Variants in BCL2L1 observed in about 807,000 individuals in gnomAD.
BCL2L1 encodes bcl-2-like protein 1.
Under a neutral mutation model 18.7 loss-of-function variants are expected in BCL2L1, and 1 was observed. The observed-to-expected ratio is 0.05, with a 90% confidence interval of 0.02 to 0.25. The LOEUF (loss-of-function observed/expected upper bound fraction) is 0.25, where lower values mean the gene tolerates loss of function less well. Ranked by LOEUF, BCL2L1 falls within the 10% of genes least tolerant of loss-of-function variation. The pLI, the probability that BCL2L1 is intolerant of heterozygous loss-of-function variation, is 1.00. For missense variants in BCL2L1, 207 were observed against 304.9 expected (o/e 0.68, Z 2.39); for synonymous variants, 103 against 122.7 (o/e 0.84, Z 1.06).
chr20:31,683,303 T>G (rs2060895462), intron 2 of BCL2L1, among the ~76,000 whole-genome samples: 1 of 152,194 alleles, frequency 6.6e-6, no homozygotes, highest in Non-Finnish European at 1.5e-5. Context: ...GTCTGGAATG[T>G]TTTTTCCATA....
intron 2 of BCL2L1, among the ~76,000 whole-genome samples, chr20:31,688,080 G>C (rs1272304452): frequency 6.6e-6 from 1 of 152,160 alleles, no homozygotes; most frequent in African/African-American, 2.4e-5. Context: ...CTGGCAAATA[G>C]TAACAATTTC....
At chr20:31,666,802 G>GCAGGGGGTGTGACTCTGGGCC (rs1555858092) in intron 2 of BCL2L1, among the ~76,000 whole-genome samples, 1 of 152,104 alleles carries the variant, frequency 6.6e-6, no homozygotes, top group African/African-American at 2.4e-5. Context: ...ATCCTCCACT[G>GCAGGGGGTGTGACTCTGGGCC]CAGGGGGTGT....
intron 2 of BCL2L1, among the ~76,000 whole-genome samples, chr20:31,697,695 C>G (rs1478904975): frequency 6.6e-6 from 1 of 152,072 alleles, no homozygotes; most frequent in East Asian, 1.9e-4. Flanking sequence ...CCTCATCCTC[C>G]CAAAGTGCTG....
chr20:31,692,639 C>T (rs898430284), intron 2 of BCL2L1, among the ~76,000 whole-genome samples: 1 of 148,470 alleles, frequency 6.7e-6, no homozygotes, highest in Non-Finnish European at 1.5e-5. Flanking sequence ...GGCTGGGCGC[C>T]GTGGCTCACA....
At chr20:31,691,029 G>A (rs1181791431) in intron 2 of BCL2L1, among the ~76,000 whole-genome samples, 1 of 150,330 alleles carries the variant, frequency 6.7e-6, no homozygotes, top group Non-Finnish European at 1.5e-5. Flanking sequence ...ACATATGCCT[G>A]TAATCCCAGC....
At chr20:31,693,930 T>C (rs1189471726) in intron 2 of BCL2L1, among the ~76,000 whole-genome samples, 1 of 152,208 alleles carries the variant, frequency 6.6e-6, no homozygotes, top group Non-Finnish European at 1.5e-5. Context: ...ATATTCTCTG[T>C]TGTATTTATG....
chr20:31,723,925 A>T, upstream of BCL2L1: 1 of 985,412 alleles, frequency 1.0e-6, no homozygotes, highest in South Asian at 4.7e-5. Context: ...CTGAAGAGAC[A>T]GGGGAACTTG....
At position 31,721,935 on chromosome 20, in the gene BCL2L1, T is replaced by C. The variant is rs1285137410; in HGVS notation, c.284A>G (p.Asp95Gly). 6.2e-7 allele frequency: 1 copy of C among 1,614,168 alleles called. No individual in the cohort carries two copies. Among genetic ancestry groups the C allele is most frequent in the Non-Finnish European group, 8.5e-7 (1 of 1,180,022 alleles). Reference protein sequence around the residue: ...AVKQALREAGDEFELRYRRAF... With the variant: ...AVKQALREAGGEFELRYRRAF... Reference sequence around the variant, plus strand: ...CCGCCGGTACCGCAGTTCAAACTCGTCGCCTGCCTCCCTCAGCGCTTGCTT... The same window carrying C: ...CCGCCGGTACCGCAGTTCAAACTCGCCGCCTGCCTCCCTCAGCGCTTGCTT... Residue 95 changes from aspartate (D) to glycine (G), a missense_variant, in exon 2 of 3, where the codon GAC becomes GGC. Asp to Gly is a moderately conservative substitution (Grantham distance 94). Coordinates refer to ENST00000307677, the MANE Select transcript of BCL2L1 (RefSeq NM_138578.3).
In BCL2L1 at chr20:31,722,045, G is replaced by C. The variant is rs918140042; in HGVS notation, c.174C>G (p.His58Gln). Residue 58 changes from histidine to glutamine, a missense_variant, in exon 2 of 3, where the codon CAC becomes CAG. Transcript: ENST00000307677. ...CATTCACCGCGGGGCTGTCTGCCAG[G>C]TGCCAGGATGGGTTGCCATTGATGG... ...PSAINGNPSW[H>Q]LADSPAVNGA... is the part of the protein sequence containing the mutation. 6.8e-6 allele frequency: 11 copies of C among 1,607,816 alleles called. No individual in the cohort carries two copies. Among genetic ancestry groups the C allele is most frequent in the Non-Finnish European group, 9.4e-6 (11 of 1,176,360 alleles).
chr20:31,721,521 C>T, intron 2 of BCL2L1, 134 bp downstream of exon 2: 2 of 1,060,642 alleles, frequency 1.9e-6, no homozygotes, highest in Non-Finnish European at 2.7e-6. Flanking sequence ...TGAAATGAGG[C>T]CAGTCAGGTT....
chr20:31,682,845 T>C (rs1182633074), intron 2 of BCL2L1, among the ~76,000 whole-genome samples: 1 of 152,222 alleles, frequency 6.6e-6, no homozygotes, highest in Non-Finnish European at 1.5e-5. Context: ...ACCTGTTCTT[T>C]CTGCATCTTT....
chr20:31,709,779 G>C (rs138327203), intron 2 of BCL2L1, among the ~76,000 whole-genome samples: 1,810 of 146,834 alleles, frequency 0.012, 32 homozygotes, highest in African/African-American at 0.043. Context: ...AGCTTGCAGT[G>C]AGCCGAGATC....
intron 2 of BCL2L1, among the ~76,000 whole-genome samples, chr20:31,667,844 G>A (rs530746739): frequency 3.3e-5 from 5 of 152,216 alleles, no homozygotes; most frequent in Non-Finnish European, 5.9e-5. Flanking sequence ...CATGTGCACT[G>A]AGCTGCTAAT....
intron 2 of BCL2L1, among the ~76,000 whole-genome samples, chr20:31,692,357 G>A (rs1375262250): frequency 2.0e-5 from 3 of 152,238 alleles, no homozygotes. Flanking sequence ...CTTGAGACAT[G>A]ATCATATAAA....
chr20:31,708,775 A>G (rs767262500), intron 2 of BCL2L1, among the ~76,000 whole-genome samples: 1 of 152,168 alleles, frequency 6.6e-6, no homozygotes, highest in Admixed American at 6.5e-5. Flanking sequence ...CTCCTAGAAG[A>G]TATTTCTTGC....
chr20:31,693,937 TATG>T (rs1266688676), intron 2 of BCL2L1, among the ~76,000 whole-genome samples: 1 of 152,188 alleles, frequency 6.6e-6, no homozygotes, highest in African/African-American at 2.4e-5. Context: ...CTGTTGTATT[TATG>T]ATAAATTTCT....
intron 2 of BCL2L1, among the ~76,000 whole-genome samples, chr20:31,686,773 T>C (rs748494298): frequency 1.4e-4 from 22 of 151,924 alleles, no homozygotes; most frequent in Admixed American, 2.0e-4. Flanking sequence ...GTGAAGTAGA[T>C]AATCCAGACT....
rs1272422177 is a variant in BCL2L1 at position 31,722,172 on chromosome 20, T to C, written c.47A>G (p.Lys16Arg). Residue 16 changes from lysine (K) to arginine (R), a missense_variant, in exon 2 of 3, where the codon AAG (lysine) becomes AGG (arginine). Coordinates refer to ENST00000307677, the MANE Select transcript of BCL2L1 (RefSeq NM_138578.3). ...RELVVDFLSY[K>R]LSQKGYSWSQ... is the part of the protein sequence containing the mutation. ...CCAGCTGTATCCTTTCTGGGAAAGC[T>C]TGTAGGAGAGAAAGTCAACCACCAG... The C allele has an allele frequency of 6.7e-7, 1 of 1,500,958 alleles. No homozygotes were observed. Among genetic ancestry groups the C allele is most frequent in the South Asian group, 1.3e-5 (1 of 74,828 alleles). The allele number at this position is 1,500,958 out of a possible 1,614,324, so 93.0% of individuals were successfully genotyped here. A position where few individuals can be genotyped will look rare whatever the true frequency, so the allele number is the denominator to read the frequency against.
intron 2 of BCL2L1, among the ~76,000 whole-genome samples, chr20:31,711,199 C>A (rs919092411): frequency 2.6e-5 from 4 of 152,204 alleles, no homozygotes; most frequent in African/African-American, 9.7e-5. Context: ...TACCAAAAAA[C>A]ACACTTACAT....
Sources: gnomAD v4.1 joint callset for allele counts (sites outside exome capture counted in the v4.1 genomes callset) on GRCh38, gnomAD v4.1.1 for gene constraint, MANE v1.5 for transcripts, NCBI Gene and HGNC (gene_info 2026-07-23, HGNC 2026-07-21) for gene names.